The following STK32B variants were observed in gnomAD, a reference collection of about 807,000 sequenced individuals.
STK32B encodes serine/threonine-protein kinase 32B.
STK32B carries 43 observed loss-of-function variants against 52.6 expected under a neutral mutation model. That is an observed-to-expected ratio of 0.82 (90% confidence interval 0.64 to 1.05). The LOEUF (loss-of-function observed/expected upper bound fraction) is 1.05, where lower values mean the gene tolerates loss of function less well. STK32B is among the 50% of genes least tolerant of loss of function. The pLI, the probability that STK32B is intolerant of heterozygous loss-of-function variation, is 0.00. For synonymous variants in STK32B, 238 were observed against 204.3 expected (o/e 1.17, Z -1.41); for missense variants, 621 against 534.6 (o/e 1.16, Z -1.59).
chr4:5,178,715 G>T (rs1181306155), intron 3 of STK32B, among the ~76,000 whole-genome samples: 2 of 152,196 alleles, frequency 1.3e-5, no homozygotes, highest in African/African-American at 4.8e-5. Context: ...GCAACATGCT[G>T]ACAGTCTCTT....
intron 3 of STK32B, among the ~76,000 whole-genome samples, chr4:5,219,293 C>T (rs975329297): frequency 6.6e-5 from 10 of 152,194 alleles, no homozygotes; most frequent in African/African-American, 2.4e-4. Context: ...AAGGACTGGG[C>T]ATCCCTTTGG....
At chr4:5,164,949 T>C (rs1047448456) in intron 2 of STK32B, among the ~76,000 whole-genome samples, 4 of 152,202 alleles carry the variant, frequency 2.6e-5, no homozygotes. Context: ...CCAACCCTTC[T>C]TGGTCAGTGA....
intron 1 of STK32B, among the ~76,000 whole-genome samples, chr4:5,128,891 A>G (rs1438759416): frequency 6.6e-6 from 1 of 152,238 alleles, no homozygotes; most frequent in Non-Finnish European, 1.5e-5. Context: ...TGACCTGTGA[A>G]CAGGGTGCAG....
At chr4:5,073,401 A>T (rs1019248848) in intron 1 of STK32B, among the ~76,000 whole-genome samples, 5 of 152,068 alleles carry the variant, frequency 3.3e-5, no homozygotes, top group Admixed American at 6.6e-5. Flanking sequence ...AAAACTTATA[A>T]TAGTATAATT....
intron 3 of STK32B, among the ~76,000 whole-genome samples, chr4:5,319,648 A>G (rs1010662690): frequency 2.6e-5 from 4 of 152,158 alleles, no homozygotes; most frequent in African/African-American, 9.7e-5. Context: ...TTTCTGGACC[A>G]TTGTCCTTGC....
At chr4:5,142,400 G>A (rs1716545391) in intron 2 of STK32B, among the ~76,000 whole-genome samples, 1 of 152,180 alleles carries the variant, frequency 6.6e-6, no homozygotes, top group African/African-American at 2.4e-5. Flanking sequence ...GAATGATATT[G>A]AGTTGTGCCA....
chr4:5,347,953 G>C (rs1322698656), intron 4 of STK32B, among the ~76,000 whole-genome samples: 1 of 152,084 alleles, frequency 6.6e-6, no homozygotes, highest in Non-Finnish European at 1.5e-5. Context: ...GTTCTTTATA[G>C]CAGCATGATA....
At position 5,460,669 on chromosome 4, in the gene STK32B, C is replaced by A. The variant is rs1356731690; in HGVS notation, c.909+441C>A. 1.3e-5 allele frequency among the ~76,000 whole-genome samples: 2 copies of A among 152,112 alleles called. No homozygotes were observed. The highest frequency in any genetic ancestry group is 2.4e-5 in the African/African-American group (1 of 41,414). ...GGCAGGGGCTTCTTTTAGGAAGGGT[C>A]GGCAGAGACCTAGAGGTAAAGTGAG... On this transcript the variant is annotated intron_variant, in intron 9 of 11. Coordinates refer to ENST00000282908, the MANE Select transcript of STK32B (RefSeq NM_018401.3). The surrounding 1 kb of genome is among the most constrained non-coding windows in gnomAD (Gnocchi z 4.8).
intron 3 of STK32B, among the ~76,000 whole-genome samples, chr4:5,233,131 A>C (rs1370722422): frequency 1.3e-5 from 2 of 152,108 alleles, no homozygotes; most frequent in African/African-American, 2.4e-5. Context: ...GACCTTGACT[A>C]TACAGTTTGG....
chr4:5,140,757 C>T (rs1353307252), intron 2 of STK32B, among the ~76,000 whole-genome samples: 1 of 152,130 alleles, frequency 6.6e-6, no homozygotes, highest in Non-Finnish European at 1.5e-5. Context: ...CAGACAACCT[C>T]CCTCCCTCCC....
chr4:5,032,634 G>A, the STK32B span, among the ~76,000 whole-genome samples: 5 of 151,790 alleles, frequency 3.3e-5, no homozygotes, highest in Admixed American at 6.6e-5. Context: ...AAATTTTATT[G>A]TAGTAAAATA....
intron 2 of STK32B, among the ~76,000 whole-genome samples, chr4:5,157,901 G>A (rs1218756754): frequency 6.6e-6 from 1 of 152,176 alleles, no homozygotes; most frequent in Non-Finnish European, 1.5e-5. Flanking sequence ...TAACAATGAT[G>A]CATTTACTAG....
chr4:5,196,115 A>G (rs6811613), intron 3 of STK32B, among the ~76,000 whole-genome samples: 14,681 of 152,118 alleles, frequency 0.097, 1,319 homozygotes, highest in African/African-American at 0.22. Context: ...TTTCTCCTCC[A>G]TATGATCAAG....
At position 5,111,329 on chromosome 4, in the gene STK32B, A is replaced by C. The variant is rs114115617; in HGVS notation, c.53-28576A>C. 6.4e-3 allele frequency among the ~76,000 whole-genome samples: 973 copies of C among 152,290 alleles called. 5 individuals carry two copies. The highest frequency in any genetic ancestry group is 9.0e-3 in the Non-Finnish European group (611 of 68,018). On this transcript the variant is annotated intron_variant, in intron 1 of 11. Transcript: ENST00000282908. Reference sequence around the variant, plus strand: ...CCTGCACTTGTATGTTTAGTGCAACACTATTTATAATAGCAGAGTCACAGA... The same window carrying C: ...CCTGCACTTGTATGTTTAGTGCAACCCTATTTATAATAGCAGAGTCACAGA...
At chr4:5,281,935 T>A (rs920360462) in intron 3 of STK32B, among the ~76,000 whole-genome samples, 14 of 152,216 alleles carry the variant, frequency 9.2e-5, no homozygotes, top group Non-Finnish European at 1.8e-4. Context: ...AATATATTTT[T>A]AAAAAATTGA....
At chr4:5,263,257 G>A (rs527543369) in intron 3 of STK32B, among the ~76,000 whole-genome samples, 31 of 152,254 alleles carry the variant, frequency 2.0e-4, no homozygotes, top group South Asian at 6.2e-4. Context: ...TGTATCATCC[G>A]TGCAGTCCCA....
chr4:5,353,804 A>G (rs1217786830), intron 4 of STK32B, among the ~76,000 whole-genome samples: 9 of 152,212 alleles, frequency 5.9e-5, no homozygotes, highest in Non-Finnish European at 1.0e-4. Context: ...AATGTAATTC[A>G]GTACAACTAC....
At chr4:5,275,115 C>T (rs1001506253) in intron 3 of STK32B, among the ~76,000 whole-genome samples, 2 of 152,164 alleles carry the variant, frequency 1.3e-5, no homozygotes, top group Admixed American at 6.5e-5. Context: ...AGGAGGCTTG[C>T]CATCATCTTG....
chr4:5,024,303 C>T, the STK32B span, among the ~76,000 whole-genome samples: 2 of 152,198 alleles, frequency 1.3e-5, no homozygotes, highest in African/African-American at 4.8e-5. Flanking sequence ...GTCTTAAGAG[C>T]ACAGCCAAGG....
Sources: gnomAD v4.1 joint callset for allele counts (sites outside exome capture counted in the v4.1 genomes callset) on GRCh38, gnomAD v4.1.1 for gene constraint, Gnocchi (gnomAD v3.1) non-coding constraint, MANE v1.5 for transcripts, NCBI Gene and HGNC (gene_info 2026-07-23, HGNC 2026-07-21) for gene names.